Variants in ADCY2 observed in about 807,000 individuals in gnomAD.
The protein encoded by ADCY2 is adenylate cyclase 2.
A neutral mutation model predicts 125.2 loss-of-function variants in ADCY2; 31 were observed. That is an observed-to-expected ratio of 0.25 (90% CI 0.19 to 0.33). ADCY2 has a LOEUF of 0.33. Among genes scored for constraint, ADCY2 ranks in the 10% least tolerant of loss-of-function variants. ADCY2 has a pLI of 1.00. For missense variants in ADCY2, 904 were observed against 1,418.2 expected (o/e 0.64, Z 5.82); for synonymous variants, 512 against 548.4 (o/e 0.93, Z 0.93).
At chr5:7,694,344 C>T (rs1554032841) in intron 5 of ADCY2, among the ~76,000 whole-genome samples, 3 of 152,128 alleles carry the variant, frequency 2.0e-5, no homozygotes, top group Non-Finnish European at 4.4e-5. Flanking sequence ...GGATCACGGA[C>T]ACTTACATTG....
chr5:7,549,283 C>T (rs1372663555), intron 3 of ADCY2, among the ~76,000 whole-genome samples: 1 of 152,182 alleles, frequency 6.6e-6, no homozygotes, highest in Non-Finnish European at 1.5e-5. Context: ...CTCTTTCCTC[C>T]AGATCCCTGG....
At chr5:7,805,459 A>T (rs7731584) in intron 22 of ADCY2, among the ~76,000 whole-genome samples, 25,848 of 148,362 alleles carry the variant, frequency 0.17, 2,369 homozygotes, top group African/African-American at 0.23. Flanking sequence ...TGTGTGTGTG[A>T]GAGAGAGAGA....
At chr5:7,804,907 G>T (rs907288044) in intron 22 of ADCY2, among the ~76,000 whole-genome samples, 3 of 152,172 alleles carry the variant, frequency 2.0e-5, no homozygotes, top group African/African-American at 7.2e-5. Flanking sequence ...AACAGGAGAA[G>T]AAAAACCAAT....
At chr5:7,602,572 C>A (rs1737252537) in intron 3 of ADCY2, among the ~76,000 whole-genome samples, 1 of 152,198 alleles carries the variant, frequency 6.6e-6, no homozygotes. Flanking sequence ...CCCTTAAATT[C>A]TCTTGCCAAG....
rs147605170 is a variant in ADCY2, at chr5:7,827,397, T to A, written c.*526T>A. The A allele has an allele frequency of 6.5e-6, 1 of 153,346 alleles. No individual in the cohort carries two copies. The highest frequency in any genetic ancestry group is 1.9e-4 in the East Asian group (1 of 5,356). 9.5% of individuals were successfully genotyped at this position (153,346 alleles called of 1,614,324 possible). On this transcript the variant is annotated 3_prime_UTR_variant, in exon 25 of 25. Coordinates refer to ENST00000338316, the MANE Select transcript of ADCY2 (RefSeq NM_020546.3). The stretch of plus-strand genomic sequence containing the variant: ...TCGTCCCTCTGCTCCGTGTGTCTCA[T>A]GCCAGCAGCACGTCGCCATCCGTCA...
chr5:7,495,762 C>T (rs1579503152), intron 2 of ADCY2, among the ~76,000 whole-genome samples: 1 of 152,238 alleles, frequency 6.6e-6, no homozygotes, highest in South Asian at 2.1e-4. Flanking sequence ...ATTTTGACAT[C>T]CTTATCTAAA....
At chr5:7,716,657 G>A (rs1265163108) in intron 11 of ADCY2, among the ~76,000 whole-genome samples, 3 of 152,176 alleles carry the variant, frequency 2.0e-5, no homozygotes, top group Admixed American at 6.5e-5. Context: ...TTGATTAGCA[G>A]AATTAAACAG....
At chr5:7,725,359 G>A (rs1326066995) in intron 13 of ADCY2, among the ~76,000 whole-genome samples, 1 of 151,960 alleles carries the variant, frequency 6.6e-6, no homozygotes, top group Non-Finnish European at 1.5e-5. Context: ...TCGCAGCTCT[G>A]GTATTAAAAT....
intron 4 of ADCY2, among the ~76,000 whole-genome samples, chr5:7,677,585 G>A (rs1740175803): frequency 1.3e-5 from 2 of 152,222 alleles, no homozygotes; most frequent in African/African-American, 4.8e-5. Flanking sequence ...CAGAGAATGA[G>A]TCTCCACATG....
At chr5:7,784,480 T>C (rs569304158) in intron 19 of ADCY2, 31 bp downstream of exon 19, 1 of 1,520,936 alleles carries the variant, frequency 6.6e-7, no homozygotes, top group Admixed American at 1.7e-5. Flanking sequence ...TATGTATGTA[T>C]ACCTTCTCTA....
At position 7,626,274 on chromosome 5, in the gene ADCY2, C is replaced by G. The variant is rs1738124830; in HGVS notation, c.678C>G (p.Cys226Trp). The G allele has an allele frequency of 6.2e-7, 1 of 1,614,002 alleles. No individual in the cohort carries two copies. Among genetic ancestry groups the G allele is most frequent in the African/African-American group, 1.3e-5 (1 of 74,938 alleles). ...LQQTYQDTCN[C>W]IKSRIKLEFE... ...AAACATATCAGGACACCTGTAATTG[C>G]ATCAAGTCGCGGATCAAGTTGGAAT... The change falls in exon 4 of 25, where the codon TGC (cysteine) becomes TGG (tryptophan). Residue 226 changes from cysteine (C) to tryptophan (W), a missense_variant. By Grantham distance (215) the Cys-to-Trp change is radical (BLOSUM62 -2). Coordinates refer to ENST00000338316, the MANE Select transcript of ADCY2 (RefSeq NM_020546.3).
chr5:7,456,797 CT>C (rs1383956506), intron 2 of ADCY2, among the ~76,000 whole-genome samples: 6 of 152,050 alleles, frequency 3.9e-5, no homozygotes, highest in African/African-American at 1.5e-4. Flanking sequence ...AATATAATTC[CT>C]TTTTTATATT....
At chr5:7,504,477 G>A (rs1186775883) in intron 2 of ADCY2, among the ~76,000 whole-genome samples, 1 of 152,130 alleles carries the variant, frequency 6.6e-6, no homozygotes, top group Non-Finnish European at 1.5e-5. Context: ...TATGAAGGCA[G>A]GAATTTATAT....
chr5:7,589,041 A>T (rs1258930653), intron 3 of ADCY2, among the ~76,000 whole-genome samples: 2 of 152,228 alleles, frequency 1.3e-5, no homozygotes, highest in African/African-American at 2.4e-5. Context: ...GTTAAGAGTA[A>T]AAAACTAAAG....
chr5:7,693,224 C>T (rs1419427340), intron 5 of ADCY2, among the ~76,000 whole-genome samples: 1 of 151,956 alleles, frequency 6.6e-6, no homozygotes, highest in Non-Finnish European at 1.5e-5. Context: ...TCCAGGGTTC[C>T]AAGGATATAG....
intron 1 of ADCY2, among the ~76,000 whole-genome samples, chr5:7,403,094 C>T (rs1739329166): frequency 6.6e-6 from 1 of 151,960 alleles, no homozygotes; most frequent in African/African-American, 2.4e-5. Context: ...TGTGTGCTTA[C>T]TCCCAACACT....
intron 3 of ADCY2, among the ~76,000 whole-genome samples, chr5:7,565,177 T>G (rs1486512654): frequency 1.3e-5 from 2 of 152,218 alleles, no homozygotes; most frequent in Non-Finnish European, 2.9e-5. Flanking sequence ...TTCTCCTTTC[T>G]CCTTGCTGGG....
At chr5:7,761,148 C>CTCT (rs1553985946) in intron 16 of ADCY2, among the ~76,000 whole-genome samples, 3 of 88,162 alleles carry the variant, frequency 3.4e-5, no homozygotes, top group African/African-American at 1.4e-4. Flanking sequence ...CTTTTCTTTT[C>CTCT]TTTTTTTTTT....
intron 22 of ADCY2, among the ~76,000 whole-genome samples, chr5:7,813,243 C>T (rs986905709): frequency 6.6e-6 from 1 of 152,172 alleles, no homozygotes; most frequent in African/African-American, 2.4e-5. Context: ...AGAAGTTTTT[C>T]AGCATAGAAC....
Sources: gnomAD v4.1 joint callset for allele counts (sites outside exome capture counted in the v4.1 genomes callset) on GRCh38, gnomAD v4.1.1 for gene constraint, MANE v1.5 for transcripts, NCBI Gene and HGNC (gene_info 2026-07-23, HGNC 2026-07-21) for gene names.